FRMD3: variants seen among roughly 807,000 people sequenced by gnomAD.
FRMD3 encodes the protein FERM domain-containing protein 3.
A neutral mutation model predicts 70.2 loss-of-function variants in FRMD3; 33 were observed. The observed-to-expected ratio is 0.47, with a 90% CI of 0.36 to 0.63. The LOEUF is 0.63. Among genes scored for constraint, FRMD3 ranks in the 20% least tolerant of loss-of-function variants. The probability of loss-of-function intolerance (pLI) is 0.00; values close to 1 mark genes in which losing one functional copy is unlikely to be tolerated. For missense variants in FRMD3, 632 were observed against 711.4 expected (o/e 0.89, Z 1.27); for synonymous variants, 279 against 255.9 (o/e 1.09, Z -0.86).
At chr9:83,519,866 C>T (rs1309184782) in intron 1 of FRMD3, among the ~76,000 whole-genome samples, 4 of 152,254 alleles carry the variant, frequency 2.6e-5, no homozygotes, top group South Asian at 2.1e-4. Context: ...AGCTGGAAAC[C>T]GTAATTCTTA....
the FRMD3 span, among the ~76,000 whole-genome samples, chr9:83,585,678 G>A: frequency 1.3e-5 from 2 of 152,212 alleles, no homozygotes; most frequent in South Asian, 4.1e-4. Flanking sequence ...CTATGATTAT[G>A]TGCAACTACC....
At position 83,311,995 on chromosome 9, in the gene FRMD3, A is replaced by C; in HGVS notation, c.685-20T>G. On this transcript the variant is annotated intron_variant, in intron 7 of 13. Transcript: ENST00000304195. ...TGAATCCTGAAAAAAAAAAAAAAGA[A>C]AAAAGAAAAATCTGTTTAGATTGAG... The C allele has an allele frequency of 6.5e-7, 1 of 1,538,084 alleles. No homozygotes were observed. The highest frequency in any genetic ancestry group is 8.8e-7 in the Non-Finnish European group (1 of 1,136,692).
intron 1 of FRMD3, among the ~76,000 whole-genome samples, chr9:83,536,234 G>A (rs1269855669): frequency 6.6e-6 from 1 of 152,114 alleles, no homozygotes; most frequent in Non-Finnish European, 1.5e-5. Context: ...ATAAGCACTG[G>A]AGTTTTTCAA....
At chr9:83,350,631 AAAAAAAAG>A (rs1824119258) in intron 3 of FRMD3, 2 of 449,586 alleles carry the variant, frequency 4.4e-6, no homozygotes, top group African/African-American at 2.1e-5. Context: ...CTCAAAAAAA[AAAAAAAAG>A]AAAGAAAGAA....
intron 1 of FRMD3, among the ~76,000 whole-genome samples, chr9:83,438,941 A>G (rs915508632): frequency 2.0e-5 from 3 of 152,178 alleles, no homozygotes; most frequent in African/African-American, 4.8e-5. Context: ...AGAGAAAGAA[A>G]ACCCTTCTGG....
chr9:83,506,609 G>T (rs1192923287), intron 1 of FRMD3, among the ~76,000 whole-genome samples: 2 of 152,186 alleles, frequency 1.3e-5, no homozygotes, highest in African/African-American at 4.8e-5. Flanking sequence ...GTTGCTCTGG[G>T]TGAGTGCGTG....
intron 1 of FRMD3, among the ~76,000 whole-genome samples, chr9:83,474,714 G>A (rs1435979516): frequency 6.6e-6 from 1 of 151,796 alleles, no homozygotes; most frequent in Non-Finnish European, 1.5e-5. Flanking sequence ...ACCATAACCT[G>A]AAAGTCCAAA....
intron 1 of FRMD3, among the ~76,000 whole-genome samples, chr9:83,500,388 A>G (rs143983625): frequency 6.9e-4 from 105 of 152,268 alleles, no homozygotes; most frequent in African/African-American, 2.4e-3. Context: ...CTATATGCCT[A>G]CAACTGCTCT....
At chr9:83,463,554 T>C (rs1023169580) in intron 1 of FRMD3, among the ~76,000 whole-genome samples, 1 of 152,198 alleles carries the variant, frequency 6.6e-6, no homozygotes, top group Non-Finnish European at 1.5e-5. Context: ...AACGCCCCCA[T>C]GATTCAATTA....
chr9:83,301,152 G>C (rs1039089222), intron 10 of FRMD3, among the ~76,000 whole-genome samples: 9 of 152,142 alleles, frequency 5.9e-5, no homozygotes, highest in African/African-American at 2.2e-4. Context: ...CCTGGGGGGG[G>C]CCCTGCAGTG....
At chr9:83,282,539 ATTTTT>A (rs34420024) in intron 13 of FRMD3, among the ~76,000 whole-genome samples, 2 of 148,170 alleles carry the variant, frequency 1.3e-5, no homozygotes. Flanking sequence ...ACAGTCTTGG[ATTTTT>A]TTTTTTTTTT....
intron 13 of FRMD3, among the ~76,000 whole-genome samples, chr9:83,278,231 G>C (rs1398764954): frequency 6.6e-6 from 1 of 152,216 alleles, no homozygotes; most frequent in Non-Finnish European, 1.5e-5. Context: ...GCCTATTCAA[G>C]GGAGAACGGG....
chr9:83,556,820 A>G, the FRMD3 span, among the ~76,000 whole-genome samples: 1 of 152,044 alleles, frequency 6.6e-6, no homozygotes, highest in Admixed American at 6.5e-5. Context: ...TGATATTTAT[A>G]TTTTGTATAA....
intron 13 of FRMD3, among the ~76,000 whole-genome samples, chr9:83,286,952 G>A (rs1159996879): frequency 5.3e-5 from 8 of 152,148 alleles, no homozygotes; most frequent in Admixed American, 5.2e-4. Context: ...AACATAAAGA[G>A]GTTGAAGTGT....
chr9:83,539,592 T>G (rs529762268), upstream of FRMD3, among the ~76,000 whole-genome samples: 91 of 152,048 alleles, frequency 6.0e-4, no homozygotes, highest in Middle Eastern at 3.4e-3. Context: ...CGAGGAAGAG[T>G]GGCACACAAA....
intron 1 of FRMD3, among the ~76,000 whole-genome samples, chr9:83,442,649 G>C (rs763259564): frequency 1.3e-4 from 20 of 151,880 alleles, no homozygotes; most frequent in South Asian, 2.1e-4. Context: ...CAGTGGAGGG[G>C]GGGTACATTC....
chr9:83,351,907 A>G (rs1824176221), intron 3 of FRMD3, among the ~76,000 whole-genome samples: 1 of 152,170 alleles, frequency 6.6e-6, no homozygotes, highest in Non-Finnish European at 1.5e-5. Context: ...ACATGATTGT[A>G]TTATATATGT....
intron 1 of FRMD3, among the ~76,000 whole-genome samples, chr9:83,458,523 G>A (rs1017156619): frequency 6.6e-6 from 1 of 152,172 alleles, no homozygotes; most frequent in South Asian, 2.1e-4. Flanking sequence ...AATGGTACTG[G>A]GTATTGCATG....
chr9:83,584,512 G>A, the FRMD3 span, among the ~76,000 whole-genome samples: 5 of 152,182 alleles, frequency 3.3e-5, no homozygotes, highest in South Asian at 4.2e-4. Flanking sequence ...GAAGTCCAGC[G>A]AAGGGGGTGT....
Sources: allele counts gnomAD v4.1 joint callset (sites outside exome capture counted in the v4.1 genomes callset), GRCh38; gene constraint gnomAD v4.1.1; transcripts MANE v1.5; gene names NCBI Gene and HGNC (gene_info 2026-07-23, HGNC 2026-07-21).